The following CNTNAP2 variants were observed in gnomAD, a reference collection of about 807,000 sequenced individuals.
CNTNAP2 encodes the protein contactin-associated protein-like 2.
Under a neutral mutation model 155.2 loss-of-function variants are expected in CNTNAP2, and 98 were observed. The ratio of observed to expected loss-of-function variants is 0.63; its 90% CI spans 0.54 to 0.75. The LOEUF (loss-of-function observed/expected upper bound fraction) is 0.75. Ranked by LOEUF, CNTNAP2 falls within the 30% of genes least tolerant of loss-of-function variation. CNTNAP2 has a pLI of 0.00. For missense variants in CNTNAP2, 1,727 were observed against 1,688.1 expected, an observed-to-expected ratio of 1.02 and a Z score of -0.40; for synonymous variants, 651 against 631.2, an observed-to-expected ratio of 1.03 and a Z score of -0.47.
chr7:146,937,119 G>C (rs1422366360), intron 3 of CNTNAP2, among the ~76,000 whole-genome samples: 2 of 152,026 alleles, frequency 1.3e-5, no homozygotes, highest in African/African-American at 4.8e-5. Context: ...CGGGCGCAGT[G>C]GCTCATGCCT....
intron 1 of CNTNAP2, among the ~76,000 whole-genome samples, chr7:146,269,240 T>C (rs1250265974): frequency 2.6e-5 from 4 of 152,120 alleles, no homozygotes; most frequent in Non-Finnish European, 5.9e-5. Flanking sequence ...CTTGGGAGGC[T>C]GAGGCAGGGG....
At chr7:148,301,306 A>AAAATATATATATATATATATATATATAT in intron 21 of CNTNAP2, among the ~76,000 whole-genome samples, 1 of 103,866 alleles carries the variant, frequency 9.6e-6, no homozygotes, top group African/African-American at 3.8e-5. Context: ...AAAAAAAAAA[A>AAAATATATATATATATATATATATATAT]ATATATATAT....
intron 10 of CNTNAP2, among the ~76,000 whole-genome samples, chr7:147,463,396 A>C (rs1343305263): frequency 6.6e-6 from 1 of 152,162 alleles, no homozygotes; most frequent in Non-Finnish European, 1.5e-5. Context: ...GTTTTCTTCA[A>C]CTCAGTCATT....
intron 2 of CNTNAP2, among the ~76,000 whole-genome samples, chr7:146,783,102 C>G (rs1802518039): frequency 6.6e-6 from 1 of 152,100 alleles, no homozygotes; most frequent in Admixed American, 6.5e-5. Context: ...AAACTCCTTT[C>G]AATTTAAGTG....
At chr7:147,648,553 G>A (rs781522140) in intron 13 of CNTNAP2, among the ~76,000 whole-genome samples, 2 of 152,174 alleles carry the variant, frequency 1.3e-5, no homozygotes, top group Non-Finnish European at 2.9e-5. Context: ...CCACATGGCT[G>A]AGGAGGCCTC....
At chr7:148,390,448 G>A (rs977157640) in intron 22 of CNTNAP2, among the ~76,000 whole-genome samples, 1 of 152,150 alleles carries the variant, frequency 6.6e-6, no homozygotes, top group Non-Finnish European at 1.5e-5. Context: ...TTAAAATGAG[G>A]GCTGTGCTTT....
At chr7:147,149,714 T>G (rs1386332957) in intron 8 of CNTNAP2, among the ~76,000 whole-genome samples, 3 of 152,060 alleles carry the variant, frequency 2.0e-5, no homozygotes, top group African/African-American at 7.2e-5. Context: ...GGTACATGGA[T>G]GGATGGATAG....
intron 1 of CNTNAP2, among the ~76,000 whole-genome samples, chr7:146,550,423 T>C (rs1584977170): frequency 6.9e-6 from 1 of 145,414 alleles, no homozygotes; most frequent in Non-Finnish European, 1.5e-5. Flanking sequence ...TTTTTTTTTT[T>C]TTTTTTATAA....
At chr7:146,591,984 A>G (rs1798789876) in intron 1 of CNTNAP2, among the ~76,000 whole-genome samples, 1 of 152,180 alleles carries the variant, frequency 6.6e-6, no homozygotes, top group Non-Finnish European at 1.5e-5. Flanking sequence ...TCCATCAGTT[A>G]TCAAAGCCAA....
Position 148,118,287 on chromosome 7 carries a change from G to T in CNTNAP2, c.2553G>T (p.Lys851Asn). The change falls in exon 16 of 24, where the codon AAG becomes AAT. Residue 851 changes from lysine (K) to asparagine (N), a missense_variant and splice_region_variant. Lys to Asn is a moderately conservative substitution (Grantham distance 94). Coordinates refer to ENST00000361727, the MANE Select transcript of CNTNAP2 (RefSeq NM_014141.6). ...GKEDFIKLEL[K>N]SATEVSFSFD... is the part of the protein sequence containing the mutation. ...AAGATTTCATCAAGCTGGAGCTGAA[G>T]TGTGAGTATAAGTTGCTTGTCAACT... is the stretch of plus-strand genomic sequence containing the variant. 2 of 1,614,098 alleles carry T rather than the reference G, an allele frequency of 1.2e-6. No individual in the cohort carries two copies. The highest frequency in any genetic ancestry group is 1.7e-6 in the Non-Finnish European group (2 of 1,179,990).
intron 1 of CNTNAP2, among the ~76,000 whole-genome samples, chr7:146,162,600 G>T (rs1798241611): frequency 6.6e-6 from 1 of 152,174 alleles, no homozygotes; most frequent in Non-Finnish European, 1.5e-5. Flanking sequence ...ACAGTGTGGT[G>T]ATTCCTCAAG....
intron 11 of CNTNAP2, among the ~76,000 whole-genome samples, chr7:147,511,674 G>C (rs1799025279): frequency 1.3e-5 from 2 of 151,960 alleles, no homozygotes; most frequent in Admixed American, 1.3e-4. Context: ...TCCCCAAAGT[G>C]CTTAACAGGA....
intron 14 of CNTNAP2, among the ~76,000 whole-genome samples, chr7:147,947,388 C>A (rs1047485739): frequency 7.4e-6 from 1 of 134,296 alleles, no homozygotes; most frequent in Non-Finnish European, 1.5e-5. Context: ...GAGGCTGAGG[C>A]GGGAGGATTG....
chr7:148,307,548 C>G (rs773598413), intron 21 of CNTNAP2, among the ~76,000 whole-genome samples: 15 of 152,174 alleles, frequency 9.9e-5, no homozygotes, highest in Non-Finnish European at 1.8e-4. Context: ...CTTACACCTT[C>G]GTATATCTTA....
At chr7:148,401,219 TGA>T (rs1187576047) in intron 22 of CNTNAP2, among the ~76,000 whole-genome samples, 1 of 152,166 alleles carries the variant, frequency 6.6e-6, no homozygotes, top group African/African-American at 2.4e-5. Context: ...GTAAGATACA[TGA>T]GAGAGTCCTG....
chr7:147,708,896 C>T (rs544071620), intron 13 of CNTNAP2, among the ~76,000 whole-genome samples: 108 of 152,134 alleles, frequency 7.1e-4, no homozygotes, highest in Admixed American at 1.2e-3. Flanking sequence ...CTCTAGTCAG[C>T]CACCTTGCAA....
intron 8 of CNTNAP2, among the ~76,000 whole-genome samples, chr7:147,219,802 C>T (rs925995938): frequency 6.6e-6 from 1 of 152,058 alleles, no homozygotes; most frequent in Non-Finnish European, 1.5e-5. Flanking sequence ...GTTGTTGAGA[C>T]GGACTCTCTG....
chr7:147,555,807 A>G (rs1394796350), intron 11 of CNTNAP2, among the ~76,000 whole-genome samples: 1 of 152,242 alleles, frequency 6.6e-6, no homozygotes, highest in African/African-American at 2.4e-5. Context: ...AGGAGTAGAC[A>G]GGTGTGGAGA....
In CNTNAP2 at chr7:147,189,961, A is replaced by G. The variant is rs533467229; in HGVS notation, c.1348+57452A>G. On this transcript the variant is annotated intron_variant, in intron 8 of 23. Coordinates refer to ENST00000361727, the MANE Select transcript of CNTNAP2 (RefSeq NM_014141.6). ...GGGTTTCACCGTGTTAGCCAGGATG[A>G]TCTCCATCTCTTGACCTCGTGATCC... 6.5e-4 allele frequency among the ~76,000 whole-genome samples: 99 copies of G among 152,042 alleles called. 1 individual carries two copies. The highest frequency in any genetic ancestry group is 3.4e-3 in the Middle Eastern group (1 of 294).
Sources: allele counts gnomAD v4.1 joint callset (sites outside exome capture counted in the v4.1 genomes callset), GRCh38; gene constraint gnomAD v4.1.1; transcripts MANE v1.5; gene names NCBI Gene and HGNC (gene_info 2026-07-23, HGNC 2026-07-21).